Variants in DSCAML1 observed in about 807,000 individuals in gnomAD.
DSCAML1 encodes DS cell adhesion molecule like 1.
A neutral mutation model predicts 200.5 loss-of-function variants in DSCAML1; 38 were observed. The ratio of observed to expected loss-of-function variants is 0.19; its 90% confidence interval spans 0.15 to 0.25. The LOEUF is 0.25. Among genes scored for constraint, DSCAML1 ranks in the 10% least tolerant of loss-of-function variants. DSCAML1 has a pLI of 1.00. For synonymous variants in DSCAML1, 1,215 were observed against 1,165.0 expected, an observed-to-expected ratio of 1.04 and a Z score of -0.87; for missense variants, 2,223 against 2,858.8, an observed-to-expected ratio of 0.78 and a Z score of 5.07.
chr11:117,542,406 C>T (rs547269389), intron 3 of DSCAML1, among the ~76,000 whole-genome samples: 2 of 152,218 alleles, frequency 1.3e-5, no homozygotes, highest in Admixed American at 6.5e-5. Context: ...AAAGAGAAGC[C>T]CTGGACTCAA....
rs1555032769 is a variant in DSCAML1 at position 117,780,304 on chromosome 11, G to GAGAA, written c.364+188_364+189insTTCT. Among the ~76,000 whole-genome samples, 1,439 of 98,328 alleles carry GAGAA rather than the reference G, an allele frequency of 0.015. 44 individuals are homozygous for GAGAA. The highest frequency in any genetic ancestry group is 0.019 in the Admixed American group (181 of 9,672). 64.5% of individuals were successfully genotyped at this position (98,328 alleles called of 152,430 possible). On this transcript the variant is annotated intron_variant, in intron 2 of 32. Transcript: ENST00000651296. The surrounding 1 kb of genome is among the most constrained non-coding windows in gnomAD (Gnocchi z 4.8). ...AGAAAGAAAGAAAGAAAGAAAGAAAGAGAGAAAGGAGAAAGAAAGGTGTCT... is the reference window on the plus strand; with the variant it reads ...AGAAAGAAAGAAAGAAAGAAAGAAAGAGAAAGAGAAAGGAGAAAGAAAGGTGTCT...
chr11:117,442,397 G>A (rs2048083670), intron 21 of DSCAML1, among the ~76,000 whole-genome samples: 1 of 152,036 alleles, frequency 6.6e-6, no homozygotes, highest in Non-Finnish European at 1.5e-5. Flanking sequence ...ATGCATGTGT[G>A]TGCACATTAG....
At position 117,505,332 on chromosome 11, in the gene DSCAML1, C is replaced by T. The variant is rs2049472903; in HGVS notation, c.2062+122G>A. On this transcript the variant is annotated intron_variant, in intron 9 of 32. Coordinates refer to ENST00000651296, the MANE Select transcript of DSCAML1 (RefSeq NM_020693.4). This position sits in a 1 kb window ranked among gnomAD's most constrained non-coding sequence, Gnocchi z 6.7. Reference sequence around the variant, plus strand: ...ATAAGAGGTTTAGGCTCCAACAGGCCCTTCAAGATGCTGGAGCCCACCTTC... The same window carrying T: ...ATAAGAGGTTTAGGCTCCAACAGGCTCTTCAAGATGCTGGAGCCCACCTTC... 3 of 1,336,860 alleles carry T rather than the reference C, an allele frequency of 2.2e-6. No individual in the cohort carries two copies. In the Admixed American group the frequency reaches 6.8e-5, roughly 30 times the overall value. The allele number at this position is 1,336,860 out of a possible 1,614,324, so 82.8% of individuals were successfully genotyped here. A position where few individuals can be genotyped will look rare whatever the true frequency, so the allele number is the denominator to read the frequency against.
rs902594423 is a variant in DSCAML1, at chr11:117,518,224, AAGG to A, written c.1510+239_1510+241del. Among the ~76,000 whole-genome samples the A allele has an allele frequency of 6.6e-6, 1 of 151,816 alleles. No homozygotes were observed. Among genetic ancestry groups the A allele is most frequent in the Non-Finnish European group, 1.5e-5 (1 of 67,960 alleles). On this transcript the variant is annotated intron_variant, in intron 7 of 32. Transcript: ENST00000651296. This position sits in a 1 kb window ranked among gnomAD's most constrained non-coding sequence, Gnocchi z 6.3. ...GCTGGCTGGATTTCTGGACAGGAGG[AAGG>A]AGGAGGGGGAATGGGGAGGTGAATG... is the stretch of plus-strand genomic sequence containing the variant.
chr11:117,704,609 C>A (rs1032805396), intron 3 of DSCAML1, among the ~76,000 whole-genome samples: 1 of 152,090 alleles, frequency 6.6e-6, no homozygotes, highest in Non-Finnish European at 1.5e-5. Context: ...TGTATGGCCT[C>A]GCACTTAGCA....
chr11:117,537,985 G>GA (rs2050199223), intron 3 of DSCAML1, among the ~76,000 whole-genome samples: 1 of 152,226 alleles, frequency 6.6e-6, no homozygotes, highest in Non-Finnish European at 1.5e-5. Context: ...TGCCTTTAGA[G>GA]AGGGCCAGTC....
chr11:117,462,699 A>G (rs866214775), intron 17 of DSCAML1, among the ~76,000 whole-genome samples: 1 of 152,252 alleles, frequency 6.6e-6, no homozygotes, highest in Admixed American at 6.5e-5. Flanking sequence ...ACTAATACAG[A>G]TCGCCCATTC....
chr11:117,504,694 CAA>C lies in DSCAML1; in HGVS notation c.2182+228_2182+229del, dbSNP rs796661134. Among the ~76,000 whole-genome samples the C allele has an allele frequency of 7.6e-5, 11 of 144,270 alleles. 1 individual carries two copies. Among genetic ancestry groups the C allele is most frequent in the African/African-American group, 2.5e-4 (10 of 40,330 alleles). The allele number at this position is 144,270 out of a possible 152,430, so 94.6% of individuals were successfully genotyped here. A position where few individuals can be genotyped will look rare whatever the true frequency, so the allele number is the denominator to read the frequency against. On this transcript the variant is annotated intron_variant, in intron 10 of 32. Coordinates refer to ENST00000651296, the MANE Select transcript of DSCAML1 (RefSeq NM_020693.4). This position sits in a 1 kb window ranked among gnomAD's most constrained non-coding sequence, Gnocchi z 5.0. ...AGAGGAGAGGTCGCGTCTGGGGGGA[CAA>C]GAGGAAATACGGAGTCAGCATGATG...
intron 11 of DSCAML1, among the ~76,000 whole-genome samples, chr11:117,484,284 G>A (rs116755678): frequency 0.024 from 3,606 of 152,186 alleles, 131 homozygotes; most frequent in African/African-American, 0.082. Flanking sequence ...GTGAGGAGGC[G>A]TCTGGGACAG....
chr11:117,537,723 C>T (rs1210349784), intron 3 of DSCAML1, among the ~76,000 whole-genome samples: 2 of 152,210 alleles, frequency 1.3e-5, no homozygotes, highest in African/African-American at 2.4e-5. Context: ...CACAGACACG[C>T]ACCCAGGGAA....
At chr11:117,772,404 T>C (rs1421399536) in intron 3 of DSCAML1, among the ~76,000 whole-genome samples, 1 of 152,144 alleles carries the variant, frequency 6.6e-6, no homozygotes, top group Non-Finnish European at 1.5e-5. Flanking sequence ...CAATAAACAG[T>C]GTCCTCAGCG....
At chr11:117,584,026 A>G (rs983068280) in intron 3 of DSCAML1, among the ~76,000 whole-genome samples, 19 of 152,292 alleles carry the variant, frequency 1.2e-4, no homozygotes, top group Admixed American at 7.8e-4. Flanking sequence ...GCCAAAGGCC[A>G]AGTCTGCTTT....
intron 3 of DSCAML1, among the ~76,000 whole-genome samples, chr11:117,753,926 C>A (rs1035457580): frequency 6.6e-6 from 1 of 152,198 alleles, no homozygotes; most frequent in Admixed American, 6.5e-5. Context: ...TTCTAGGATT[C>A]ATTCCTGGGG....
intron 3 of DSCAML1, among the ~76,000 whole-genome samples, chr11:117,753,103 T>C (rs1282343020): frequency 6.6e-6 from 1 of 152,194 alleles, no homozygotes; most frequent in Non-Finnish European, 1.5e-5. Context: ...CTTCAGACAA[T>C]GTAACCTCTC....
intron 3 of DSCAML1, among the ~76,000 whole-genome samples, chr11:117,721,310 C>T (rs1415993394): frequency 6.6e-6 from 1 of 152,216 alleles, no homozygotes; most frequent in Non-Finnish European, 1.5e-5. Flanking sequence ...TGTCTGCCCA[C>T]GTGTCCTGAG....
rs182141504 is a variant in DSCAML1 at position 117,544,493 on chromosome 11, G to A, written c.512-11971C>T. On this transcript the variant is annotated intron_variant, in intron 3 of 32. Transcript: ENST00000651296. ...GGGCCCTGGCACCAGGGCAGCCTGCGGGGAGCAAGTCAAGGCGGACTCTGC... is the reference window on the plus strand; with the variant it reads ...GGGCCCTGGCACCAGGGCAGCCTGCAGGGAGCAAGTCAAGGCGGACTCTGC... Among the ~76,000 whole-genome samples, 371 of 152,246 alleles carry A rather than the reference G, an allele frequency of 2.4e-3. 2 individuals carry two copies. Among genetic ancestry groups the A allele is most frequent in the African/African-American group, 8.7e-3 (360 of 41,548 alleles).
intron 24 of DSCAML1, among the ~76,000 whole-genome samples, chr11:117,438,287 A>T (rs1241887784): frequency 6.9e-6 from 1 of 144,902 alleles, no homozygotes; most frequent in African/African-American, 2.7e-5. Context: ...ACCAATCAAC[A>T]AAACACTGTG....
At chr11:117,570,667 A>T (rs963697457) in intron 3 of DSCAML1, among the ~76,000 whole-genome samples, 4 of 152,234 alleles carry the variant, frequency 2.6e-5, no homozygotes, top group African/African-American at 4.8e-5. Context: ...TTGTGTGTGT[A>T]TGCAAGACCT....
intron 27 of DSCAML1, among the ~76,000 whole-genome samples, chr11:117,434,426 C>G (rs1332567226): frequency 6.6e-6 from 1 of 152,232 alleles, no homozygotes; most frequent in East Asian, 1.9e-4. Flanking sequence ...CTCCTTTAAC[C>G]ATTCACCCAA....
Sources: allele counts gnomAD v4.1 joint callset (sites outside exome capture counted in the v4.1 genomes callset), GRCh38; gene constraint gnomAD v4.1.1; non-coding constraint Gnocchi (gnomAD v3.1); transcripts MANE v1.5; gene names NCBI Gene and HGNC (gene_info 2026-07-23, HGNC 2026-07-21).